OR5A1: variants seen among roughly 807,000 people sequenced by gnomAD.
OR5A1 encodes the protein olfactory receptor family 5 subfamily A member 1.
A neutral mutation model predicts 6.7 loss-of-function variants in OR5A1; 6 were observed. The ratio of observed to expected loss-of-function variants is 0.89; its 90% confidence interval spans 0.49 to 1.76. The LOEUF (loss-of-function observed/expected upper bound fraction) is 1.76. OR5A1 is among the 40% of genes most tolerant of loss of function. The probability of loss-of-function intolerance (pLI) is 0.01; values close to 1 mark genes in which losing one functional copy is unlikely to be tolerated. For synonymous variants in OR5A1, 170 were observed against 155.0 expected, an observed-to-expected ratio of 1.10 and a Z score of -0.72; for missense variants, 378 against 381.7, an observed-to-expected ratio of 0.99 and a Z score of 0.08.
At position 59,436,810 on chromosome 11, in the gene OR5A1, A is replaced by C. The variant is rs1270573820; in HGVS notation, c.-59A>C. On this transcript the variant is annotated 5_prime_UTR_variant, in exon 1 of 2. Coordinates refer to ENST00000641045, the MANE Select transcript of OR5A1 (RefSeq NM_001004728.2). ...ACAACTCAAAACAGGTATCAGCTAA[A>C]GGGCAGACAGAGCAGGAGCAACAGG... 3 of 152,236 alleles carry C rather than the reference A, an allele frequency of 2.0e-5. No homozygotes were observed. The highest frequency in any genetic ancestry group is 4.4e-5 in the Non-Finnish European group (3 of 68,046). The allele number at this position is 152,236 out of a possible 1,614,324, so 9.4% of individuals were successfully genotyped here.
chr11:59,439,157 AC>A (rs1257014516), intron 1 of OR5A1, among the ~76,000 whole-genome samples: 1 of 152,220 alleles, frequency 6.6e-6, no homozygotes, highest in Non-Finnish European at 1.5e-5. Flanking sequence ...AAATTTTGTT[AC>A]AAAGTTTAAC....
rs980108404 is a variant in OR5A1, at chr11:59,447,687, A to C, written c.*3571A>C. 2 of 152,196 alleles carry C rather than the reference A, an allele frequency of 1.3e-5. No individual in the cohort carries two copies. The highest frequency in any genetic ancestry group is 2.4e-5 in the African/African-American group (1 of 41,442). 9.4% of individuals were successfully genotyped at this position (152,196 alleles called of 1,614,324 possible). On this transcript the variant is annotated 3_prime_UTR_variant, in exon 2 of 2. Transcript: ENST00000641045. ...CAGGAAGCAGGGAGACAAAAATCAAAATATCAGTTTAATAATGTTAAATCG... is the reference window on the plus strand; with the variant it reads ...CAGGAAGCAGGGAGACAAAAATCAACATATCAGTTTAATAATGTTAAATCG...
rs1565075101 is a variant in OR5A1, at chr11:59,443,234, C to T, written c.66C>T (p.Asp22=). The T allele has an allele frequency of 2.5e-6, 4 of 1,614,006 alleles. No individual in the cohort carries two copies. The highest frequency in any genetic ancestry group is 2.7e-5 in the African/African-American group (2 of 74,910). ...VTMFILLGFT[D]HPELQALLFV... ...TGTTCATCCTCCTGGGATTCACAGA[C>T]CATCCAGAACTCCAGGCCCTCCTCT... The change falls in exon 2 of 2, where the codon GAC becomes GAT. Residue 22 remains aspartate, a synonymous_variant. Transcript: ENST00000641045.
In OR5A1 at chr11:59,446,632, C is replaced by T. The variant is rs932711737; in HGVS notation, c.*2516C>T. On this transcript the variant is annotated 3_prime_UTR_variant, in exon 2 of 2. Transcript: ENST00000641045. ...TGTTTCTCCTCTTGAATAAATTAAA[C>T]CTTGCAGCCCACATTGGGTGTAATT... 1 of 152,182 alleles carries T rather than the reference C, an allele frequency of 6.6e-6. No homozygotes were observed. The highest frequency in any genetic ancestry group is 1.5e-5 in the Non-Finnish European group (1 of 68,040). The allele number at this position is 152,182 out of a possible 1,614,324, so 9.4% of individuals were successfully genotyped here.
intron 1 of OR5A1, among the ~76,000 whole-genome samples, chr11:59,437,907 C>T (rs529132137): frequency 1.4e-4 from 21 of 152,254 alleles, no homozygotes; most frequent in African/African-American, 4.8e-4. Context: ...TTGTTGGAGG[C>T]GGGGCCTGGT....
chr11:59,437,266 A>G (rs1229378624), intron 1 of OR5A1, among the ~76,000 whole-genome samples: 1 of 152,176 alleles, frequency 6.6e-6, no homozygotes, highest in Non-Finnish European at 1.5e-5. Flanking sequence ...GATGACATGT[A>G]TCCACTGTTA....
rs766138608 is a variant in OR5A1, at chr11:59,443,959, G to A, written c.791G>A (p.Arg264Gln). ...GGGACAGCCCTTTTCGTGTACTTGC[G>A]ACCCAGCTCCAGCTACTTGCTAGGC... The part of the protein sequence containing the change: ...LFGTALFVYL[R>Q]PSSSYLLGRD... Residue 264 changes from arginine (R) to glutamine (Q), a missense_variant, in exon 2 of 2, where the codon CGA (arginine) becomes CAA (glutamine). Transcript: ENST00000641045. The A allele has an allele frequency of 1.9e-5, 31 of 1,613,896 alleles. No individual in the cohort carries two copies. Among genetic ancestry groups the A allele is most frequent in the African/African-American group, 2.7e-5 (2 of 74,838 alleles).
Position 59,450,157 on chromosome 11 carries a change from A to G in OR5A1, c.*6041A>G, listed in dbSNP as rs557961341. 3 of 152,342 alleles carry G rather than the reference A, an allele frequency of 2.0e-5. No individual in the cohort carries two copies. The South Asian group carries it at 6.2e-4, about 32-fold the overall frequency. 9.4% of individuals were successfully genotyped at this position (152,342 alleles called of 1,614,324 possible). A position where few individuals can be genotyped will look rare whatever the true frequency, so the allele number is the denominator to read the frequency against. On this transcript the variant is annotated 3_prime_UTR_variant, in exon 2 of 2. Transcript: ENST00000641045. ...GACTTCGAAGGCTGTGCTCTTTTGAACAAGCTAATTCTATGTTCAATCATG... is the reference window on the plus strand; with the variant it reads ...GACTTCGAAGGCTGTGCTCTTTTGAGCAAGCTAATTCTATGTTCAATCATG...
Position 59,444,305 on chromosome 11 carries a change from A to G in OR5A1, c.*189A>G, listed in dbSNP as rs757668868. ...CTGTGCCATAGATAGCCAAAAAGGG[A>G]AGGAATTTCTTCAGAAAAAAAAAAA... On this transcript the variant is annotated 3_prime_UTR_variant, in exon 2 of 2. Coordinates refer to ENST00000641045, the MANE Select transcript of OR5A1 (RefSeq NM_001004728.2). The G allele has an allele frequency of 3.7e-6, 1 of 267,468 alleles. No individual in the cohort carries two copies. Among genetic ancestry groups the G allele is most frequent in the Non-Finnish European group, 7.1e-6 (1 of 139,976 alleles). The allele number at this position is 267,468 out of a possible 1,614,324, so 16.6% of individuals were successfully genotyped here.
chr11:59,449,278 T>A lies in OR5A1; in HGVS notation c.*5162T>A, dbSNP rs768227752. 6.6e-6 allele frequency: 1 copy of A among 152,152 alleles called. No homozygotes were observed. Among genetic ancestry groups the A allele is most frequent in the Non-Finnish European group, 1.5e-5 (1 of 68,034 alleles). 9.4% of individuals were successfully genotyped at this position (152,152 alleles called of 1,614,324 possible). ...GGGCAGAGCAGTGATGATGGGGAAG[T>A]TGTCAGGCTCACTTTACCAATGCAA... On this transcript the variant is annotated 3_prime_UTR_variant, in exon 2 of 2. Coordinates refer to ENST00000641045, the MANE Select transcript of OR5A1 (RefSeq NM_001004728.2).
Position 59,443,802 on chromosome 11 carries a change from A to G in OR5A1, c.634A>G (p.Thr212Ala), listed in dbSNP as rs778236312. ...CCTCGTGGTGGTCACTGTCGGAGGAACATCGTTCCTCCAACTCCTTATCTC... is the reference window on the plus strand; with the variant it reads ...CCTCGTGGTGGTCACTGTCGGAGGAGCATCGTTCCTCCAACTCCTTATCTC... ...NFLVVVTVGG[T>A]SFLQLLISYG... Residue 212 changes from threonine (T) to alanine (A), a missense_variant, in exon 2 of 2, where the codon ACA becomes GCA. Coordinates refer to ENST00000641045, the MANE Select transcript of OR5A1 (RefSeq NM_001004728.2). 2 of 1,613,908 alleles carry G rather than the reference A, an allele frequency of 1.2e-6. No individual in the cohort carries two copies. The highest frequency in any genetic ancestry group is 4.5e-5 in the East Asian group (2 of 44,870).
At chr11:59,441,279 A>G (rs1273747881) in intron 1 of OR5A1, among the ~76,000 whole-genome samples, 1 of 152,006 alleles carries the variant, frequency 6.6e-6, no homozygotes, top group Non-Finnish European at 1.5e-5. Context: ...ATATACTTGT[A>G]CATAAAAAGT....
Position 59,443,571 on chromosome 11 carries a change from T to TA in OR5A1, c.404dup (p.Tyr135Ter). ...TGCAGCCATCTCCAGCCCCCTTCTC[T>TA]ACCCCACTATCATGACCCAGGGCCT... ...RYAAISSPLL[Y>*]PTIMTQGLCT... is the part of the protein sequence containing the mutation. Residue 135 changes from tyrosine (Y) to a stop codon, truncating the protein, a stop_gained and frameshift_variant, in exon 2 of 2, where the codon TAC becomes TAAC. Coordinates refer to ENST00000641045, the MANE Select transcript of OR5A1 (RefSeq NM_001004728.2). LOFTEE classifies it high-confidence loss of function. 1 of 1,614,066 alleles carries TA rather than the reference T, an allele frequency of 6.2e-7. No individual in the cohort carries two copies. Among genetic ancestry groups the TA allele is most frequent in the Non-Finnish European group, 8.5e-7 (1 of 1,180,016 alleles).
rs1362518039 is a variant in OR5A1, at chr11:59,448,455, G to A, written c.*4339G>A. The A allele has an allele frequency of 2.6e-5, 4 of 152,154 alleles. No individual in the cohort carries two copies. Among genetic ancestry groups the A allele is most frequent in the East Asian group, 3.8e-4 (2 of 5,204 alleles). The allele number at this position is 152,154 out of a possible 1,614,324, so 9.4% of individuals were successfully genotyped here. ...TCAGTCAAGGCCTCTTTATGATGAC[G>A]TTGGTCTCATCCAATGCTTGGATCT... is the stretch of plus-strand genomic sequence containing the variant. On this transcript the variant is annotated 3_prime_UTR_variant, in exon 2 of 2. Coordinates refer to ENST00000641045, the MANE Select transcript of OR5A1 (RefSeq NM_001004728.2).
rs1193996776 is a variant in OR5A1 at position 59,447,987 on chromosome 11, G to A, written c.*3871G>A. The stretch of plus-strand genomic sequence containing the variant: ...GGTGTCCAATCTTTTGGCTTCCCTG[G>A]GCAACATTGGAAGAATTTGTCTTGG... On this transcript the variant is annotated 3_prime_UTR_variant, in exon 2 of 2. Coordinates refer to ENST00000641045, the MANE Select transcript of OR5A1 (RefSeq NM_001004728.2). The A allele has an allele frequency of 6.6e-6, 1 of 151,932 alleles. No individual in the cohort carries two copies. Among genetic ancestry groups the A allele is most frequent in the Admixed American group, 6.6e-5 (1 of 15,260 alleles). The allele number at this position is 151,932 out of a possible 1,614,324, so 9.4% of individuals were successfully genotyped here. A position where few individuals can be genotyped will look rare whatever the true frequency, so the allele number is the denominator to read the frequency against.
In OR5A1 at chr11:59,449,958, G is replaced by A. The variant is rs1038465217; in HGVS notation, c.*5842G>A. ...AGGGAGTTTACATTGGGAGGAAAAG[G>A]CAGACACACATAGACCCATAAAGGC... On this transcript the variant is annotated 3_prime_UTR_variant, in exon 2 of 2. Coordinates refer to ENST00000641045, the MANE Select transcript of OR5A1 (RefSeq NM_001004728.2). 6.6e-6 allele frequency: 1 copy of A among 152,120 alleles called. No individual in the cohort carries two copies. Among genetic ancestry groups the A allele is most frequent in the Non-Finnish European group, 1.5e-5 (1 of 68,032 alleles). The allele number at this position is 152,120 out of a possible 1,614,324, so 9.4% of individuals were successfully genotyped here. A position where few individuals can be genotyped will look rare whatever the true frequency, so the allele number is the denominator to read the frequency against.
rs12290874 is a variant in OR5A1, at chr11:59,444,524, C to T, written c.*408C>T. The T allele has an allele frequency of 5.6e-3, 874 of 157,132 alleles. 6 individuals are homozygous for T. The highest frequency in any genetic ancestry group is 0.02 in the African/African-American group (847 of 41,556). 9.7% of individuals were successfully genotyped at this position (157,132 alleles called of 1,614,324 possible). A position where few individuals can be genotyped will look rare whatever the true frequency, so the allele number is the denominator to read the frequency against. ...TGTCAGCAAGGAAAATTAACTTGCT[C>T]AGGGTCACCAAGGAAGAGGCAGAAC... On this transcript the variant is annotated 3_prime_UTR_variant, in exon 2 of 2. Transcript: ENST00000641045.
chr11:59,444,319 G>GGAAAAAAAAAAAAAAAA lies in OR5A1; in HGVS notation c.*203_*204insGAAAAAAAAAAAAAAAA, dbSNP rs1554968956. ...GCCAAAAAGGGAAGGAATTTCTTCA[G>GGAAAAAAAAAAAAAAAA]AAAAAAAAAAAAAAAAAAAAGAACC... On this transcript the variant is annotated 3_prime_UTR_variant, in exon 2 of 2. Transcript: ENST00000641045. 1 of 81,086 alleles carries GGAAAAAAAAAAAAAAAA rather than the reference G, an allele frequency of 1.2e-5. No individual in the cohort carries two copies. Among genetic ancestry groups the GGAAAAAAAAAAAAAAAA allele is most frequent in the African/African-American group, 5.1e-5 (1 of 19,548 alleles). The allele number at this position is 81,086 out of a possible 1,614,324, so 5.0% of individuals were successfully genotyped here. A position where few individuals can be genotyped will look rare whatever the true frequency, so the allele number is the denominator to read the frequency against.
rs1422418436 is a variant in OR5A1, at chr11:59,450,189, TGAGGTTA to T, written c.*6074_*6080del. 1 of 152,218 alleles carries T rather than the reference TGAGGTTA, an allele frequency of 6.6e-6. No homozygotes were observed. The highest frequency in any genetic ancestry group is 1.5e-5 in the Non-Finnish European group (1 of 68,028). 9.4% of individuals were successfully genotyped at this position (152,218 alleles called of 1,614,324 possible). ...AATTCTATGTTCAATCATGCAACCC[TGAGGTTA>T]CAAAATAGAAAGGCTATCGTTTGAT... On this transcript the variant is annotated 3_prime_UTR_variant, in exon 2 of 2. Coordinates refer to ENST00000641045, the MANE Select transcript of OR5A1 (RefSeq NM_001004728.2).
Sources: gnomAD v4.1 joint callset for allele counts (sites outside exome capture counted in the v4.1 genomes callset) on GRCh38, gnomAD v4.1.1 for gene constraint, MANE v1.5 for transcripts, NCBI Gene and HGNC (gene_info 2026-07-23, HGNC 2026-07-21) for gene names.